Variants in ATP12A observed in about 807,000 individuals in gnomAD.
The protein encoded by ATP12A is potassium-transporting ATPase alpha chain 2.
Under a neutral mutation model 111.2 loss-of-function variants are expected in ATP12A, and 81 were observed. The ratio of observed to expected loss-of-function variants is 0.73; its 90% CI spans 0.61 to 0.88. The LOEUF is 0.88. Among genes scored for constraint, ATP12A ranks in the 40% least tolerant of loss-of-function variants. ATP12A has a pLI of 0.00. For missense variants in ATP12A, 1,196 were observed against 1,313.1 expected (o/e 0.91, Z 1.38); for synonymous variants, 498 against 499.8 (o/e 1.00, Z 0.05).
intron 13 of ATP12A, among the ~76,000 whole-genome samples, chr13:24,701,260 A>G (rs542916989): frequency 6.6e-6 from 1 of 152,222 alleles, no homozygotes; most frequent in African/African-American, 2.4e-5. Context: ...CACTTTGGGA[A>G]GCTGAGGCAG....
chr13:24,681,406 A>G (rs1169187508), intron 1 of ATP12A, among the ~76,000 whole-genome samples, 156 bp from the exon 2 acceptor site: 2 of 151,520 alleles, frequency 1.3e-5, no homozygotes, highest in African/African-American at 4.9e-5. Flanking sequence ...TGGGGGAGAG[A>G]CTCCACTGTC....
chr13:24,708,904 A>AG (rs1875799142), intron 17 of ATP12A, among the ~76,000 whole-genome samples: 1 of 71,372 alleles, frequency 1.4e-5, no homozygotes, highest in Non-Finnish European at 2.7e-5. Flanking sequence ...AAGAAAGGAA[A>AG]GAAAGAAAGA....
intron 2 of ATP12A, among the ~76,000 whole-genome samples, chr13:24,682,354 G>C (rs1187934778): frequency 2.9e-5 from 4 of 140,318 alleles, no homozygotes; most frequent in African/African-American, 8.0e-5. Context: ...TGTAGTGTGT[G>C]GTGTATATGT....
At chr13:24,702,942 T>G (rs529510212) in intron 14 of ATP12A, among the ~76,000 whole-genome samples, 1 of 152,190 alleles carries the variant, frequency 6.6e-6, no homozygotes, top group Non-Finnish European at 1.5e-5. Flanking sequence ...CTGGGTTATG[T>G]TTTCACGCAT....
chr13:24,686,440 CAAAAA>C (rs60902451), intron 3 of ATP12A, among the ~76,000 whole-genome samples: 1 of 93,826 alleles, frequency 1.1e-5, no homozygotes, highest in Non-Finnish European at 2.2e-5. Context: ...AACTCCATCT[CAAAAA>C]AAAAAAAAAA....
intron 1 of ATP12A, 72 bp downstream of exon 1, chr13:24,680,824 A>G: frequency 7.0e-7 from 1 of 1,420,668 alleles, no homozygotes; most frequent in Non-Finnish European, 9.1e-7. Flanking sequence ...GAGCAGGCTG[A>G]CGGGAAGCGA....
At chr13:24,682,647 C>T (rs1171542675) in intron 2 of ATP12A, among the ~76,000 whole-genome samples, 16 of 152,264 alleles carry the variant, frequency 1.1e-4, no homozygotes, top group African/African-American at 3.9e-4. Flanking sequence ...AGGAGGAAAA[C>T]CAAAGCCCCT....
chr13:24,709,499 G>C lies in ATP12A; in HGVS notation c.2617+12G>C. The stretch of plus-strand genomic sequence containing the variant: ...ATACCTGCACATTGGTACGATGAGG[G>C]CGCGTCTTCCCCATCACACGAGGGC... On this transcript the variant is annotated intron_variant, in intron 18 of 22. Coordinates refer to ENST00000381946, the MANE Select transcript of ATP12A (RefSeq NM_001676.7). 1.9e-6 allele frequency: 3 copies of C among 1,611,728 alleles called. No individual in the cohort carries two copies. Among genetic ancestry groups the C allele is most frequent in the Non-Finnish European group, 2.5e-6 (3 of 1,178,156 alleles).
intron 14 of ATP12A, chr13:24,704,874 G>T (rs137983759): frequency 5.2e-5 from 8 of 152,532 alleles, no homozygotes; most frequent in African/African-American, 1.9e-4. Flanking sequence ...ACTGAGTGAA[G>T]TGGATGCTTT....
Position 24,712,357 on chromosome 13 carries a change from T to C in ATP12A, c.*835T>C, listed in dbSNP as rs1310402287. On this transcript the variant is annotated 3_prime_UTR_variant, in exon 23 of 23. Transcript: ENST00000381946. Reference sequence around the variant, plus strand: ...ACAGTTGCCAGGTGCTCTCCAGCAATAACGTTTTGTCAGTCATGTTTCATG... The same window carrying C: ...ACAGTTGCCAGGTGCTCTCCAGCAACAACGTTTTGTCAGTCATGTTTCATG... 6.6e-6 allele frequency: 1 copy of C among 152,212 alleles called. No homozygotes were observed. Among genetic ancestry groups the C allele is most frequent in the Non-Finnish European group, 1.5e-5 (1 of 68,024 alleles). The allele number at this position is 152,212 out of a possible 1,614,324, so 9.4% of individuals were successfully genotyped here. A position where few individuals can be genotyped will look rare whatever the true frequency, so the allele number is the denominator to read the frequency against.
intron 12 of ATP12A, among the ~76,000 whole-genome samples, chr13:24,699,485 A>G (rs145244890): frequency 2.0e-5 from 3 of 152,316 alleles, no homozygotes; most frequent in African/African-American, 7.2e-5. Context: ...GGCAAAAGGG[A>G]TGGGAATTTT....
At chr13:24,697,068 T>G (rs1380853817) in intron 11 of ATP12A, among the ~76,000 whole-genome samples, 1 of 152,222 alleles carries the variant, frequency 6.6e-6, no homozygotes, top group Non-Finnish European at 1.5e-5. Context: ...GTAGCCACCA[T>G]GATTAAGGGC....
rs769204609 is a variant in ATP12A at position 24,698,779 on chromosome 13, T to C, written c.1634T>C (p.Leu545Pro). The C allele has an allele frequency of 2.5e-6, 4 of 1,614,052 alleles. No homozygotes were observed. The highest frequency in any genetic ancestry group is 1.7e-5 in the Admixed American group (1 of 60,022). The change falls in exon 12 of 23, where the codon CTG becomes CCG. Residue 545 changes from leucine (L) to proline (P), a missense_variant. By Grantham distance (98) the Leu-to-Pro change is moderately conservative. Coordinates refer to ENST00000381946, the MANE Select transcript of ATP12A (RefSeq NM_001676.7). Reference sequence around the variant, plus strand: ...ATGATCAACGGCGAGGAGCACCCACTGGACAAGAGCACTGCCAAGACCTTC... The same window carrying C: ...ATGATCAACGGCGAGGAGCACCCACCGGACAAGAGCACTGCCAAGACCTTC... ...TIMINGEEHPLDKSTAKTFHT... is the reference protein window; with the variant it reads ...TIMINGEEHPPDKSTAKTFHT...
chr13:24,696,580 C>T (rs1593137973), intron 11 of ATP12A, among the ~76,000 whole-genome samples: 1 of 126,642 alleles, frequency 7.9e-6, no homozygotes, highest in Non-Finnish European at 1.7e-5. Flanking sequence ...GGCGCGGTGG[C>T]GGGCGCCTGT....
At chr13:24,703,199 A>C (rs981354534) in intron 14 of ATP12A, among the ~76,000 whole-genome samples, 3 of 152,106 alleles carry the variant, frequency 2.0e-5, no homozygotes, top group Non-Finnish European at 4.4e-5. Flanking sequence ...AGATAATCGG[A>C]TTATACTTTT....
chr13:24,684,157 T>G (rs984853467), intron 2 of ATP12A, among the ~76,000 whole-genome samples: 2 of 152,004 alleles, frequency 1.3e-5, no homozygotes, highest in Admixed American at 1.3e-4. Flanking sequence ...ACTACTTGTA[T>G]CTGCCCAAAA....
In ATP12A at chr13:24,692,814, C is replaced by T; in HGVS notation, c.1295C>T (p.Thr432Ile). 6.2e-7 allele frequency: 1 copy of T among 1,614,206 alleles called. No homozygotes were observed. Among genetic ancestry groups the T allele is most frequent in the Non-Finnish European group, 8.5e-7 (1 of 1,180,034 alleles). ...CAAGTCTTTGACCAAAGCTCTAGGA[C>T]TTGGGCCTCCTTATCCAAGATAATA... ...SNQVFDQSSR[T>I]WASLSKIITL... Residue 432 changes from threonine (T) to isoleucine (I), a missense_variant, in exon 10 of 23, where the codon ACT becomes ATT. Physicochemically the swap from Thr to Ile is moderately conservative, Grantham distance 89. Transcript: ENST00000381946.
chr13:24,707,516 A>C (rs1287945716), intron 17 of ATP12A, 83 bp downstream of exon 17: 4 of 1,556,872 alleles, frequency 2.6e-6, no homozygotes, highest in Non-Finnish European at 3.5e-6. Context: ...AGGGCCGGGG[A>C]TGGACTAACT....
chr13:24,690,278 T>C (rs1874822903), intron 5 of ATP12A, 60 bp from the exon 6 acceptor site: 1 of 1,595,690 alleles, frequency 6.3e-7, no homozygotes, highest in Non-Finnish European at 8.5e-7. Flanking sequence ...CGGCACAGAC[T>C]TGGGGGAGGG....
Sources: gnomAD v4.1 joint callset for allele counts (sites outside exome capture counted in the v4.1 genomes callset) on GRCh38, gnomAD v4.1.1 for gene constraint, MANE v1.5 for transcripts, NCBI Gene and HGNC (gene_info 2026-07-23, HGNC 2026-07-21) for gene names.